The following ANK1 variants were observed in gnomAD, a reference collection of about 807,000 sequenced individuals.
ANK1 encodes the protein ankyrin 1.
ANK1 carries 51 observed loss-of-function variants against 210.4 expected under a neutral mutation model. That is an observed-to-expected ratio of 0.24 (90% CI 0.19 to 0.31). The LOEUF (loss-of-function observed/expected upper bound fraction) is 0.31, where lower values mean the gene tolerates loss of function less well. ANK1 is among the 10% of genes least tolerant of loss of function. The probability of loss-of-function intolerance (pLI) is 1.00; values close to 1 mark genes in which losing one functional copy is unlikely to be tolerated. For missense variants in ANK1, 2,051 were observed against 2,504.4 expected (o/e 0.82, Z 3.86); for synonymous variants, 967 against 1,025.9 (o/e 0.94, Z 1.10).
At chr8:41,767,950 A>G (rs1842223965) in intron 1 of ANK1, among the ~76,000 whole-genome samples, 1 of 152,158 alleles carries the variant, frequency 6.6e-6, no homozygotes, top group African/African-American at 2.4e-5. Context: ...CCAGTTAATC[A>G]GCCTATTCCA....
chr8:41,706,108 T>C, intron 18 of ANK1, 35 bp downstream of exon 18: 1 of 1,579,670 alleles, frequency 6.3e-7, no homozygotes. Flanking sequence ...GAGCAAGGAG[T>C]CCACACAGAC....
At chr8:41,872,537 G>A (rs1815735779) in intron 1 of ANK1, among the ~76,000 whole-genome samples, 1 of 152,228 alleles carries the variant, frequency 6.6e-6, no homozygotes, top group Admixed American at 6.5e-5. Flanking sequence ...GGAAGGTCAT[G>A]CCCAGTGAAG....
Position 41,694,957 on chromosome 8 carries a change from GTGC to G in ANK1, c.3116-157_3116-155del, listed in dbSNP as rs1001589163. Among the ~76,000 whole-genome samples the G allele has an allele frequency of 1.1e-4, 16 of 152,156 alleles. No homozygotes were observed. Among genetic ancestry groups the G allele is most frequent in the Non-Finnish European group, 1.6e-4 (11 of 68,030 alleles). On this transcript the variant is annotated intron_variant, in intron 27 of 42. Transcript: ENST00000289734. The surrounding 1 kb of genome is among the most constrained non-coding windows in gnomAD (Gnocchi z 5.7). ...TGGCCAGAAGAAGTGGCCAGAAGAA[GTGC>G]CCAGGCCCAGAGGCCCAGCAGAGCA...
intron 3 of ANK1, 51 bp from the exon 4 acceptor site, chr8:41,728,057 A>G: frequency 4.4e-6 from 7 of 1,578,834 alleles, no homozygotes; most frequent in Non-Finnish European, 6.1e-6. Context: ...TGGGCCCGCT[A>G]CGGGACCAGC....
chr8:41,716,358 C>T (rs918339326), intron 13 of ANK1, among the ~76,000 whole-genome samples: 1 of 152,050 alleles, frequency 6.6e-6, no homozygotes, highest in African/African-American at 2.4e-5. Context: ...CCCACACCCC[C>T]CCACTTCCTG....
At chr8:41,896,534 C>T (rs565275381) in exon 1 of ANK1, 123 of 1,537,572 alleles carry the variant, frequency 8.0e-5, no homozygotes, top group Admixed American at 4.8e-4. Context: ...GCTCAGCGAT[C>T]CCCGAGGCGA....
At chr8:41,673,566 T>C (rs1001015406) in intron 37 of ANK1, among the ~76,000 whole-genome samples, 6 of 152,114 alleles carry the variant, frequency 3.9e-5, no homozygotes, top group African/African-American at 1.4e-4. Flanking sequence ...TGATCTAAAG[T>C]GCTACAGGGG....
At chr8:41,735,526 C>T (rs916592296) in intron 2 of ANK1, among the ~76,000 whole-genome samples, 17 of 152,150 alleles carry the variant, frequency 1.1e-4, no homozygotes, top group African/African-American at 3.6e-4. Context: ...ACCACCTAGA[C>T]GGAGGGCTTG....
At chr8:41,855,709 G>A (rs1812068451) in intron 1 of ANK1, among the ~76,000 whole-genome samples, 1 of 152,172 alleles carries the variant, frequency 6.6e-6, no homozygotes, top group Non-Finnish European at 1.5e-5. Flanking sequence ...GGACTCTGCT[G>A]CGAGTGTGCT....
intron 39 of ANK1, chr8:41,664,277 A>G (rs1391604385): frequency 7.3e-6 from 3 of 411,658 alleles, no homozygotes; most frequent in South Asian, 5.3e-5. Context: ...TTCAAGACCA[A>G]TTTGGGCAAC....
At chr8:41,749,391 G>A (rs1035600555) in intron 2 of ANK1, among the ~76,000 whole-genome samples, 8 of 140,722 alleles carry the variant, frequency 5.7e-5, no homozygotes, top group East Asian at 2.3e-4. Flanking sequence ...TTCGCCTCCC[G>A]GGTTCAAGTG....
chr8:41,838,387 C>G (rs1274306469), intron 1 of ANK1, among the ~76,000 whole-genome samples: 1 of 152,174 alleles, frequency 6.6e-6, no homozygotes, highest in Non-Finnish European at 1.5e-5. Flanking sequence ...AAAACATGCT[C>G]TACTAGTAAA....
rs1037847571 is a variant in ANK1, at chr8:41,694,936, CAGA to C, written c.3116-136_3116-134del. The C allele has an allele frequency of 1.9e-5, 21 of 1,120,786 alleles. No homozygotes were observed. Among genetic ancestry groups the C allele is most frequent in the African/African-American group, 6.2e-5 (4 of 65,018 alleles). The allele number at this position is 1,120,786 out of a possible 1,614,324, so 69.4% of individuals were successfully genotyped here. ...CCCAGGTGCCGGGCGGCATAGTGGC[CAGA>C]AGAAGTGGCCAGAAGAAGTGCCCAG... On this transcript the variant is annotated intron_variant, in intron 27 of 42. Coordinates refer to ENST00000289734, the MANE Select transcript of ANK1 (RefSeq NM_000037.4). The surrounding 1 kb of genome is among the most constrained non-coding windows in gnomAD (Gnocchi z 5.7).
At chr8:41,693,743 A>G (rs1433474495) in intron 29 of ANK1, among the ~76,000 whole-genome samples, 155 bp downstream of exon 29, 1 of 152,088 alleles carries the variant, frequency 6.6e-6, no homozygotes, top group Non-Finnish European at 1.5e-5. Flanking sequence ...ATGCAGATAC[A>G]TCATCCTTCC....
At chr8:41,802,845 T>C (rs1223856526) in intron 1 of ANK1, among the ~76,000 whole-genome samples, 2 of 144,812 alleles carry the variant, frequency 1.4e-5, no homozygotes, top group Non-Finnish European at 3.0e-5. Flanking sequence ...GGGAAGTCAT[T>C]GAGGCCGCAG....
chr8:41,673,031 C>T, intron 37 of ANK1, 119 bp from the exon 38 acceptor site: 2 of 1,108,948 alleles, frequency 1.8e-6, no homozygotes, highest in Non-Finnish European at 2.6e-6. Flanking sequence ...GAGATGCATG[C>T]ACATTCGGGG....
In ANK1 at chr8:41,724,872, C is replaced by T. The variant is rs574348913; in HGVS notation, c.613-318G>A. Among the ~76,000 whole-genome samples, 3 of 152,196 alleles carry T rather than the reference C, an allele frequency of 2.0e-5. No individual in the cohort carries two copies. The South Asian group carries it at 6.2e-4, about 32-fold the overall frequency. On this transcript the variant is annotated intron_variant, in intron 6 of 42. Coordinates refer to ENST00000289734, the MANE Select transcript of ANK1 (RefSeq NM_000037.4). ...TGGGGCTATGGTCTTTTTTTCCTCC[C>T]ATTTAGACAGGGTCTCACTGTGTTG...
At chr8:41,743,838 A>C (rs1455679320) in intron 2 of ANK1, among the ~76,000 whole-genome samples, 2 of 152,208 alleles carry the variant, frequency 1.3e-5, no homozygotes, top group Admixed American at 1.3e-4. Flanking sequence ...AGACAGCTGT[A>C]GACGTAGTTA....
At chr8:41,713,305 C>T (rs1826688305) in intron 16 of ANK1, among the ~76,000 whole-genome samples, 1 of 152,240 alleles carries the variant, frequency 6.6e-6, no homozygotes, top group Non-Finnish European at 1.5e-5. Flanking sequence ...CTCTCCCCTT[C>T]TCCCCGCTGG....
Sources: allele counts gnomAD v4.1 joint callset (sites outside exome capture counted in the v4.1 genomes callset), GRCh38; gene constraint gnomAD v4.1.1; non-coding constraint Gnocchi (gnomAD v3.1); transcripts MANE v1.5; gene names NCBI Gene and HGNC (gene_info 2026-07-23, HGNC 2026-07-21).